The following ZNF765 variants were observed in gnomAD, a reference collection of about 807,000 sequenced individuals.
The protein encoded by ZNF765 is zinc finger protein 765.
Under a neutral mutation model 44.7 loss-of-function variants are expected in ZNF765, and 37 were observed. That is an observed-to-expected ratio of 0.83 (90% CI 0.64 to 1.09). The LOEUF (loss-of-function observed/expected upper bound fraction) is 1.09. Among genes scored for constraint, ZNF765 ranks in the 50% least tolerant of loss-of-function variants. The pLI, the probability that ZNF765 is intolerant of heterozygous loss-of-function variation, is 0.00. For synonymous variants in ZNF765, 201 were observed against 213.7 expected, an observed-to-expected ratio of 0.94 and a Z score of 0.52; for missense variants, 594 against 626.1, an observed-to-expected ratio of 0.95 and a Z score of 0.55.
chr19:53,415,780 A>T (rs1011793466), downstream of ZNF765, among the ~76,000 whole-genome samples: 1 of 148,946 alleles, frequency 6.7e-6, no homozygotes, highest in African/African-American at 2.5e-5. Flanking sequence ...TGTTGTCAGA[A>T]TTCATTTCTT....
chr19:53,409,252 A>G lies in ZNF765; in HGVS notation c.*125A>G, dbSNP rs971071552. On this transcript the variant is annotated 3_prime_UTR_variant, in exon 4 of 4. Transcript: ENST00000396408. ...TTACAATTTCAAATCAAACCTTGAA[A>G]TACATCAGAAAATTCGTACTGAAGA... is the stretch of plus-strand genomic sequence containing the variant. The G allele has an allele frequency of 4.5e-6, 5 of 1,121,638 alleles. No individual in the cohort carries two copies. Among genetic ancestry groups the G allele is most frequent in the Non-Finnish European group, 6.8e-6 (5 of 736,028 alleles). The allele number at this position is 1,121,638 out of a possible 1,614,324, so 69.5% of individuals were successfully genotyped here.
At chr19:53,396,296 G>A (rs183552722) in intron 1 of ZNF765, among the ~76,000 whole-genome samples, 1,560 of 152,230 alleles carry the variant, frequency 0.01, 6 homozygotes, top group Non-Finnish European at 0.014. Context: ...CAGAGGAGGC[G>A]CAGAGATGGT....
At chr19:53,403,855 C>A (rs115654588) in intron 3 of ZNF765, among the ~76,000 whole-genome samples, 2 of 140,354 alleles carry the variant, frequency 1.4e-5, no homozygotes, top group African/African-American at 5.5e-5. Context: ...AAAAAAAAAA[C>A]AACAACAACA....
In ZNF765 at chr19:53,409,032, C is replaced by T. The variant is rs1208678893; in HGVS notation, c.1477C>T (p.Pro493Ser). The T allele has an allele frequency of 1.9e-6, 3 of 1,613,636 alleles. No homozygotes were observed. Among genetic ancestry groups the T allele is most frequent in the Non-Finnish European group, 2.5e-6 (3 of 1,179,932 alleles). The change falls in exon 4 of 4, where the codon CCT becomes TCT. Residue 493 changes from proline (P) to serine (S), a missense_variant. Physicochemically the swap from Pro to Ser is moderately conservative, Grantham distance 74. Transcript: ENST00000396408. ...TCATAGACTTCATACTGGACAGAAA[C>T]CTTACAAATGTGAAGATTGTGATGA... ...YHHRLHTGQK[P>S]YKCEDCDEAF...
At chr19:53,396,101 A>C (rs1485179186) in intron 1 of ZNF765, among the ~76,000 whole-genome samples, 3 of 152,082 alleles carry the variant, frequency 2.0e-5, no homozygotes, top group African/African-American at 7.2e-5. Flanking sequence ...AGGGACAGCA[A>C]AGAGGGAGGC....
chr19:53,405,794 GTA>G (rs2147095035), intron 3 of ZNF765, among the ~76,000 whole-genome samples: 2 of 150,784 alleles, frequency 1.3e-5, no homozygotes, highest in Admixed American at 1.3e-4. Context: ...TGTTTTTATT[GTA>G]TGATTTGATT....
rs2085792043 is a variant in ZNF765 at position 53,407,972 on chromosome 19, G to C, written c.417G>C (p.Gln139His). ...CTGGAAACAAGCCTGTTAAATATCA[G>C]CTTGGATTCAGCTTTCATTCGCATC... is the stretch of plus-strand genomic sequence containing the variant. ...NYAGNKPVKY[Q>H]LGFSFHSHLP... The change falls in exon 4 of 4, where the codon CAG (glutamine) becomes CAC (histidine). Residue 139 changes from glutamine (Q) to histidine (H), a missense_variant. Coordinates refer to ENST00000396408, the MANE Select transcript of ZNF765 (RefSeq NM_001040185.3). 1.2e-6 allele frequency: 2 copies of C among 1,614,042 alleles called. No individual in the cohort carries two copies. Among genetic ancestry groups the C allele is most frequent in the East Asian group, 4.5e-5 (2 of 44,892 alleles).
chr19:53,414,275 T>C, downstream of ZNF765, among the ~76,000 whole-genome samples: 1 of 134,392 alleles, frequency 7.4e-6, no homozygotes, highest in African/African-American at 2.7e-5. Flanking sequence ...GCAAACATGG[T>C]ATGATATAAA....
chr19:53,414,581 T>C (rs1440899634), downstream of ZNF765, among the ~76,000 whole-genome samples: 3 of 146,946 alleles, frequency 2.0e-5, no homozygotes, highest in African/African-American at 5.0e-5. Context: ...AACTACCTTA[T>C]AGACTTTCTT....
In ZNF765 at chr19:53,410,133, C is replaced by G. The variant is rs1341688258; in HGVS notation, c.*1006C>G. The G allele has an allele frequency of 4.6e-6, 2 of 435,954 alleles. No individual in the cohort carries two copies. The highest frequency in any genetic ancestry group is 4.7e-6 in the Non-Finnish European group (1 of 214,166). 27.0% of individuals were successfully genotyped at this position (435,954 alleles called of 1,614,324 possible). On this transcript the variant is annotated 3_prime_UTR_variant, in exon 4 of 4. Transcript: ENST00000396408. ...ATGAAGCTTTCAGATTCAAATCAAACCTTGATAGTCATAGAATTCATACTA... is the reference window on the plus strand; with the variant it reads ...ATGAAGCTTTCAGATTCAAATCAAAGCTTGATAGTCATAGAATTCATACTA...
intron 3 of ZNF765, 101 bp from the exon 4 acceptor site, chr19:53,407,595 CAA>C: frequency 2.2e-6 from 2 of 896,794 alleles, no homozygotes; most frequent in Non-Finnish European, 3.1e-6. Flanking sequence ...GTCATGTTTG[CAA>C]AGTTTAAAAT....
Position 53,409,657 on chromosome 19 carries a change from A to C in ZNF765, c.*530A>C. The C allele has an allele frequency of 8.1e-7, 1 of 1,241,002 alleles. No homozygotes were observed. Among genetic ancestry groups the C allele is most frequent in the Non-Finnish European group, 1.2e-6 (1 of 844,658 alleles). 76.9% of individuals were successfully genotyped at this position (1,241,002 alleles called of 1,614,324 possible). A position where few individuals can be genotyped will look rare whatever the true frequency, so the allele number is the denominator to read the frequency against. On this transcript the variant is annotated 3_prime_UTR_variant, in exon 4 of 4. Transcript: ENST00000396408. ...GGCAAGACCTTTAGTCAGAACTCAT[A>C]CCTTACACGCCATCGTAGACTTCAT...
intron 1 of ZNF765, among the ~76,000 whole-genome samples, chr19:53,395,763 C>A (rs997496646): frequency 6.6e-6 from 1 of 152,300 alleles, no homozygotes; most frequent in Admixed American, 6.5e-5. Flanking sequence ...ACGGGGTGTT[C>A]TTGCCTGCCC....
intron 1 of ZNF765, among the ~76,000 whole-genome samples, chr19:53,395,801 C>G (rs752373006): frequency 2.0e-5 from 3 of 152,190 alleles, no homozygotes; most frequent in Non-Finnish European, 2.9e-5. Context: ...AATGCGCTCC[C>G]CCGGGATGCA....
downstream of ZNF765, among the ~76,000 whole-genome samples, chr19:53,414,472 CACACACACA>C (rs1568785992): frequency 5.5e-5 from 1 of 18,282 alleles, no homozygotes; most frequent in African/African-American, 2.7e-4. Context: ...CACACACACA[CACACACACA>C]CACACACACC....
At chr19:53,420,867 T>C (rs1431437578) in intron 3 of ZNF765, among the ~76,000 whole-genome samples, 1 of 152,072 alleles carries the variant, frequency 6.6e-6, no homozygotes, top group Non-Finnish European at 1.5e-5. Context: ...CCAGGTATTG[T>C]CCAAGGTTTC....
chr19:53,409,805 A>G lies in ZNF765; in HGVS notation c.*678A>G. On this transcript the variant is annotated 3_prime_UTR_variant, in exon 4 of 4. Transcript: ENST00000396408. ...TTAAAAGTGTAGTGAGTGTGGCAAG[A>G]CCTTTAGTCTGAAGTCATACCTTAC... 1.3e-6 allele frequency: 1 copy of G among 750,310 alleles called. No homozygotes were observed. The highest frequency in any genetic ancestry group is 1.4e-5 in the South Asian group (1 of 73,368). 46.5% of individuals were successfully genotyped at this position (750,310 alleles called of 1,614,324 possible).
At chr19:53,398,835 C>A (rs1457323421) in intron 2 of ZNF765, among the ~76,000 whole-genome samples, 1 of 152,098 alleles carries the variant, frequency 6.6e-6, no homozygotes, top group Non-Finnish European at 1.5e-5. Flanking sequence ...CAGCAACCTC[C>A]ACCTTCCGGG....
At chr19:53,416,876 G>A (rs2085878290), downstream of ZNF765, among the ~76,000 whole-genome samples, 1 of 151,520 alleles carries the variant, frequency 6.6e-6, no homozygotes, top group South Asian at 2.1e-4. Context: ...GGGGAGCAGT[G>A]TTGTGATCTC....
Sources: allele counts gnomAD v4.1 joint callset (sites outside exome capture counted in the v4.1 genomes callset), GRCh38; gene constraint gnomAD v4.1.1; transcripts MANE v1.5; gene names NCBI Gene and HGNC (gene_info 2026-07-23, HGNC 2026-07-21).